Variants in FSTL4 observed in about 807,000 individuals in gnomAD.
The protein encoded by FSTL4 is follistatin-related protein 4.
FSTL4 carries 28 observed loss-of-function variants against 78.2 expected under a neutral mutation model. The observed-to-expected ratio is 0.36, with a 90% CI of 0.27 to 0.49. The LOEUF (loss-of-function observed/expected upper bound fraction) is 0.49. Ranked by LOEUF, FSTL4 falls within the 20% of genes least tolerant of loss-of-function variation. The pLI, the probability that FSTL4 is intolerant of heterozygous loss-of-function variation, is 0.98. For missense variants in FSTL4, 922 were observed against 1,084.9 expected (o/e 0.85, Z 2.11); for synonymous variants, 422 against 440.5 (o/e 0.96, Z 0.53).
At chr5:133,542,030 T>C (rs950922821) in intron 3 of FSTL4, among the ~76,000 whole-genome samples, 1 of 152,102 alleles carries the variant, frequency 6.6e-6, no homozygotes, top group Admixed American at 6.6e-5. Flanking sequence ...CTTCCCACTT[T>C]CCATATCTGT....
At chr5:133,513,950 C>T (rs938400276) in intron 3 of FSTL4, among the ~76,000 whole-genome samples, 2 of 151,964 alleles carry the variant, frequency 1.3e-5, no homozygotes, top group African/African-American at 4.8e-5. Context: ...AGGCCAAGGC[C>T]GGTGGATCAC....
chr5:133,492,799 C>T (rs10045808), intron 3 of FSTL4, among the ~76,000 whole-genome samples: 1,873 of 152,090 alleles, frequency 0.012, 36 homozygotes, highest in African/African-American at 0.043. Flanking sequence ...TTATAGACTA[C>T]CCTACTTGTT....
chr5:133,606,524 C>A (rs1004574663), intron 1 of FSTL4, among the ~76,000 whole-genome samples: 2 of 152,162 alleles, frequency 1.3e-5, no homozygotes, highest in African/African-American at 4.8e-5. Context: ...CAGAAAACAG[C>A]GAGTGGATTT....
the FSTL4 span, among the ~76,000 whole-genome samples, chr5:133,713,865 A>G: frequency 6.6e-6 from 1 of 152,166 alleles, no homozygotes; most frequent in East Asian, 1.9e-4. Context: ...TCCATCATAC[A>G]CTGTAGTGTT....
At chr5:133,208,081 C>T (rs1750583127) in intron 14 of FSTL4, among the ~76,000 whole-genome samples, 1 of 152,228 alleles carries the variant, frequency 6.6e-6, no homozygotes, top group Non-Finnish European at 1.5e-5. Context: ...CTCTCCTCAT[C>T]CATTTTACTT....
At chr5:133,760,526 C>T in the FSTL4 span, among the ~76,000 whole-genome samples, 2 of 152,172 alleles carry the variant, frequency 1.3e-5, no homozygotes, top group South Asian at 2.1e-4. Context: ...CCAGACAGGG[C>T]GATCTCCATT....
intron 14 of FSTL4, among the ~76,000 whole-genome samples, chr5:133,208,822 C>T (rs1302906724): frequency 1.3e-5 from 2 of 152,084 alleles, no homozygotes. Context: ...AGCTGTGCAC[C>T]ATCACGTCTG....
the FSTL4 span, among the ~76,000 whole-genome samples, chr5:133,740,994 T>A: frequency 1.3e-5 from 2 of 151,958 alleles, no homozygotes; most frequent in African/African-American, 4.8e-5. Flanking sequence ...GGTGAATGGA[T>A]GAATGAATTG....
At chr5:133,655,408 C>T in the FSTL4 span, among the ~76,000 whole-genome samples, 2 of 152,204 alleles carry the variant, frequency 1.3e-5, no homozygotes, top group Non-Finnish European at 2.9e-5. Flanking sequence ...AATGCTCACC[C>T]CTGCCCCATG....
At chr5:133,607,750 C>G (rs1007535784) in intron 1 of FSTL4, among the ~76,000 whole-genome samples, 4 of 152,164 alleles carry the variant, frequency 2.6e-5, no homozygotes, top group Admixed American at 2.6e-4. Context: ...AAAGCTGCCA[C>G]GAGCTACTCT....
chr5:133,597,164 C>T (rs2112972970), intron 2 of FSTL4, among the ~76,000 whole-genome samples: 1 of 152,260 alleles, frequency 6.6e-6, no homozygotes, highest in South Asian at 2.1e-4. Context: ...AAGACAAAGC[C>T]CAGGAGCCAG....
At chr5:133,776,044 T>C in the FSTL4 span, among the ~76,000 whole-genome samples, 1 of 152,172 alleles carries the variant, frequency 6.6e-6, no homozygotes, top group Admixed American at 6.5e-5. Context: ...TGTGTTCCAC[T>C]ATGTTGGGGC....
intron 4 of FSTL4, among the ~76,000 whole-genome samples, chr5:133,392,696 T>C (rs17685193): frequency 0.27 from 41,389 of 150,984 alleles, 6,177 homozygotes; most frequent in Middle Eastern, 0.42. Context: ...CTCTGGGCTT[T>C]AGGATGAGAG....
At chr5:133,768,884 A>C in the FSTL4 span, among the ~76,000 whole-genome samples, 1 of 152,226 alleles carries the variant, frequency 6.6e-6, no homozygotes, top group Non-Finnish European at 1.5e-5. Context: ...ATGCTCAAGA[A>C]AGACAACTAT....
chr5:133,452,674 C>A (rs1757408596), intron 3 of FSTL4, among the ~76,000 whole-genome samples: 1 of 152,210 alleles, frequency 6.6e-6, no homozygotes, highest in Non-Finnish European at 1.5e-5. Flanking sequence ...GCAATCAGTC[C>A]AAGATCGCTC....
chr5:133,373,669 C>T (rs986596630), intron 4 of FSTL4, among the ~76,000 whole-genome samples: 2 of 152,172 alleles, frequency 1.3e-5, no homozygotes, highest in Non-Finnish European at 2.9e-5. Flanking sequence ...CCCACCAAAC[C>T]TACCCTCCCT....
At chr5:133,827,182 C>A in the FSTL4 span, among the ~76,000 whole-genome samples, 3 of 152,218 alleles carry the variant, frequency 2.0e-5, no homozygotes, top group Admixed American at 6.5e-5. Flanking sequence ...CTTGTTTCTG[C>A]CTCAGCGCCC....
intron 3 of FSTL4, among the ~76,000 whole-genome samples, chr5:133,447,818 G>A (rs1757298883): frequency 6.6e-6 from 1 of 152,228 alleles, no homozygotes; most frequent in East Asian, 1.9e-4. Context: ...GGGATTACAG[G>A]TGTGAACCAC....
chr5:133,823,477 C>A, the FSTL4 span, among the ~76,000 whole-genome samples: 3,611 of 152,244 alleles, frequency 0.024, 81 homozygotes, highest in East Asian at 0.1. Context: ...GAAAGTCAGT[C>A]TTAGGGGACT....
Sources: gnomAD v4.1 joint callset for allele counts (sites outside exome capture counted in the v4.1 genomes callset) on GRCh38, gnomAD v4.1.1 for gene constraint, MANE v1.5 for transcripts, NCBI Gene and HGNC (gene_info 2026-07-23, HGNC 2026-07-21) for gene names.